Variants in GFRA2 observed in about 807,000 individuals in gnomAD.
GFRA2 encodes the protein GDNF family receptor alpha 2.
In GFRA2, 17 loss-of-function variants were observed where a neutral mutation model predicts 48.3. The observed-to-expected ratio is 0.35, with a 90% CI of 0.24 to 0.53. GFRA2 has a LOEUF of 0.53. GFRA2 is among the 20% of genes least tolerant of loss of function. The pLI is 0.93. For missense variants in GFRA2, 660 were observed against 637.3 expected, an observed-to-expected ratio of 1.04 and a Z score of -0.38; for synonymous variants, 305 against 257.2, an observed-to-expected ratio of 1.19 and a Z score of -1.78.
At chr8:21,726,721 CT>C (rs1366936857) in intron 4 of GFRA2, among the ~76,000 whole-genome samples, 8 of 150,258 alleles carry the variant, frequency 5.3e-5, no homozygotes, top group Middle Eastern at 3.5e-3. Context: ...GTGGTATGAT[CT>C]TATCTTAATT....
chr8:21,718,352 A>G (rs1803434090), intron 4 of GFRA2, among the ~76,000 whole-genome samples: 1 of 152,206 alleles, frequency 6.6e-6, no homozygotes, highest in South Asian at 2.1e-4. Flanking sequence ...CCCCAGCCAT[A>G]TGGAACCGTA....
intron 2 of GFRA2, among the ~76,000 whole-genome samples, chr8:21,775,645 C>T (rs1806654540): frequency 6.6e-6 from 1 of 152,162 alleles, no homozygotes; most frequent in Non-Finnish European, 1.5e-5. Context: ...TCCTCTTTGC[C>T]CCCCATCGTG....
At chr8:21,781,658 T>C (rs6999052) in intron 2 of GFRA2, among the ~76,000 whole-genome samples, 80,711 of 151,714 alleles carry the variant, frequency 0.53, 24,303 homozygotes, top group African/African-American at 0.82. Flanking sequence ...TATCCGCACC[T>C]CCCCAGACTC....
intron 4 of GFRA2, among the ~76,000 whole-genome samples, chr8:21,708,716 G>A (rs1423998251): frequency 6.6e-6 from 1 of 152,192 alleles, no homozygotes; most frequent in Non-Finnish European, 1.5e-5. Flanking sequence ...AGAGATAGGA[G>A]TGATGAAGCC....
At chr8:21,751,128 G>A (rs1241896591) in intron 3 of GFRA2, among the ~76,000 whole-genome samples, 186 bp from the exon 4 acceptor site, 1 of 152,206 alleles carries the variant, frequency 6.6e-6, no homozygotes, top group South Asian at 2.1e-4. Flanking sequence ...GTGGTGAGGA[G>A]TAAAGGAGTT....
chr8:21,730,003 A>AG, intron 4 of GFRA2, among the ~76,000 whole-genome samples: 1 of 152,080 alleles, frequency 6.6e-6, no homozygotes, highest in Middle Eastern at 3.4e-3. Flanking sequence ...AGGGAGGAGG[A>AG]GGAGGAGCTG....
rs1807062022 is a variant in GFRA2 at position 21,782,573 on chromosome 8, G to A, written c.355+12C>T. The A allele has an allele frequency of 1.6e-5, 25 of 1,554,040 alleles. No homozygotes were observed. Among genetic ancestry groups the A allele is most frequent in the Non-Finnish European group, 2.0e-5 (23 of 1,147,018 alleles). ...CACCCCCTCCCCTTGGGCAAGCCCC[G>A]CCCAGGCTTACCCTCGGTCAGCCCC... On this transcript the variant is annotated intron_variant, in intron 2 of 8. Transcript: ENST00000524240.
intron 1 of GFRA2, among the ~76,000 whole-genome samples, chr8:21,784,978 G>A (rs957562041): frequency 3.3e-5 from 5 of 152,262 alleles, no homozygotes; most frequent in Non-Finnish European, 7.4e-5. Context: ...GCCCGTGGGA[G>A]CCTCTGGAAG....
chr8:21,805,443 C>T (rs975660367), intron 1 of GFRA2, among the ~76,000 whole-genome samples: 3 of 152,168 alleles, frequency 2.0e-5, no homozygotes, highest in African/African-American at 7.2e-5. Flanking sequence ...GAGTACTTAC[C>T]AATTACAGGG....
intron 1 of GFRA2, among the ~76,000 whole-genome samples, chr8:21,808,171 G>T (rs972302070): frequency 4.6e-5 from 7 of 152,244 alleles, no homozygotes; most frequent in African/African-American, 1.7e-4. Context: ...CATTTTCTCT[G>T]GGGGAAGGGC....
At chr8:21,767,396 G>A (rs893593214) in intron 3 of GFRA2, among the ~76,000 whole-genome samples, 3 of 152,282 alleles carry the variant, frequency 2.0e-5, no homozygotes, top group Non-Finnish European at 2.9e-5. Context: ...GCACACACAC[G>A]TGTTCCCGTC....
At chr8:21,745,733 G>A (rs903984673) in intron 4 of GFRA2, among the ~76,000 whole-genome samples, 3 of 152,096 alleles carry the variant, frequency 2.0e-5, no homozygotes, top group African/African-American at 7.2e-5. Context: ...TAGGACAACT[G>A]AGCACTTTTG....
chr8:21,749,900 C>T (rs943074166), intron 4 of GFRA2, among the ~76,000 whole-genome samples: 4 of 152,026 alleles, frequency 2.6e-5, no homozygotes, highest in Non-Finnish European at 4.4e-5. Context: ...TTATTGTGAA[C>T]GTTAGATGAC....
chr8:21,708,245 C>G (rs1802847155), intron 4 of GFRA2, among the ~76,000 whole-genome samples: 1 of 152,210 alleles, frequency 6.6e-6, no homozygotes, highest in Non-Finnish European at 1.5e-5. Flanking sequence ...TAAATGCACC[C>G]TCTGCTTCCT....
intron 3 of GFRA2, among the ~76,000 whole-genome samples, chr8:21,767,214 C>G (rs370649034): frequency 2.0e-5 from 3 of 147,168 alleles, no homozygotes; most frequent in Admixed American, 6.9e-5. Context: ...TCCACCATGC[C>G]CAAACACACA....
At chr8:21,812,063 T>G (rs1015318964) in intron 1 of GFRA2, among the ~76,000 whole-genome samples, 1 of 152,238 alleles carries the variant, frequency 6.6e-6, no homozygotes, top group Non-Finnish European at 1.5e-5. Context: ...ATCTGTGTTC[T>G]CTGTCATTTT....
At chr8:21,795,610 C>T (rs1010389305) in intron 2 of GFRA2, among the ~76,000 whole-genome samples, 2 of 152,130 alleles carry the variant, frequency 1.3e-5, no homozygotes, top group African/African-American at 4.8e-5. Context: ...CTAGGCTGGT[C>T]TCGAACTCTC....
At chr8:21,713,037 GAGGGAGAGGGAGAGGGAGACGAGGGAA>G (rs1399135369) in intron 4 of GFRA2, among the ~76,000 whole-genome samples, 2 of 130,878 alleles carry the variant, frequency 1.5e-5, no homozygotes, top group African/African-American at 7.2e-5. Context: ...AGAGGGAGAC[GAGGGAGAGGGAGAGGGAGACGAGGGAA>G]AGGGAGAGGG....
Position 21,693,130 on chromosome 8 carries a change from A to G in GFRA2, c.*148T>C. ...TTACAAAAACTTCTCCAGAGAAGAA[A>G]CCTGGGAGGAGACAGGTTCAGCGAC... On this transcript the variant is annotated 3_prime_UTR_variant, in exon 9 of 9. Coordinates refer to ENST00000524240, the MANE Select transcript of GFRA2 (RefSeq NM_001495.5). The G allele has an allele frequency of 1.5e-6, 1 of 673,872 alleles. No homozygotes were observed. The highest frequency in any genetic ancestry group is 2.2e-6 in the Non-Finnish European group (1 of 458,564). 41.7% of individuals were successfully genotyped at this position (673,872 alleles called of 1,614,324 possible).
Sources: allele counts gnomAD v4.1 joint callset (sites outside exome capture counted in the v4.1 genomes callset), GRCh38; gene constraint gnomAD v4.1.1; transcripts MANE v1.5; gene names NCBI Gene and HGNC (gene_info 2026-07-23, HGNC 2026-07-21).